The following PRIM2 variants were observed in gnomAD, a reference collection of about 807,000 sequenced individuals.
The protein encoded by PRIM2 is DNA primase subunit 2.
A neutral mutation model predicts 67.3 loss-of-function variants in PRIM2; 39 were observed. That is an observed-to-expected ratio of 0.58 (90% CI 0.45 to 0.76). The LOEUF (loss-of-function observed/expected upper bound fraction) is 0.76. Ranked by LOEUF, PRIM2 falls within the 30% of genes least tolerant of loss-of-function variation. The probability of loss-of-function intolerance (pLI) is 0.00; values close to 1 mark genes in which losing one functional copy is unlikely to be tolerated. For synonymous variants in PRIM2, 143 were observed against 198.7 expected (o/e 0.72, Z 2.36); for missense variants, 398 against 598.7 (o/e 0.66, Z 3.50).
chr6:57,417,155 C>T (rs567062061), intron 7 of PRIM2, among the ~76,000 whole-genome samples: 31 of 152,028 alleles, frequency 2.0e-4, no homozygotes, highest in East Asian at 1.5e-3. Flanking sequence ...TTAGCAGAGA[C>T]GGGGTTTCAC....
At chr6:57,496,900 C>T (rs1297670719) in intron 7 of PRIM2, among the ~76,000 whole-genome samples, 5 of 152,108 alleles carry the variant, frequency 3.3e-5, no homozygotes, top group Non-Finnish European at 5.9e-5. Flanking sequence ...GTGAAAAGAT[C>T]CAGAATTGTC....
chr6:57,418,542 G>A (rs1339255820), intron 7 of PRIM2, among the ~76,000 whole-genome samples: 2 of 151,004 alleles, frequency 1.3e-5, no homozygotes, highest in Non-Finnish European at 3.0e-5. Flanking sequence ...GACTACAGGC[G>A]CGTGCCACCA....
At chr6:57,557,538 A>G (rs1265550355) in intron 10 of PRIM2, among the ~76,000 whole-genome samples, 2 of 152,178 alleles carry the variant, frequency 1.3e-5, no homozygotes, top group African/African-American at 4.8e-5. Flanking sequence ...AATGCTGCAC[A>G]TTCTCATTTA....
chr6:57,364,246 T>C (rs1769282962), intron 5 of PRIM2, among the ~76,000 whole-genome samples: 1 of 152,188 alleles, frequency 6.6e-6, no homozygotes, highest in Non-Finnish European at 1.5e-5. Flanking sequence ...GTGATTGTCT[T>C]TCACCCATGT....
upstream of PRIM2, among the ~76,000 whole-genome samples, chr6:57,315,755 C>T (rs1449586376): frequency 1.3e-5 from 2 of 152,028 alleles, no homozygotes; most frequent in Non-Finnish European, 1.5e-5. Context: ...GTGCAAAATA[C>T]TTCTGTGAAT....
At chr6:57,227,206 C>T in the PRIM2 span, among the ~76,000 whole-genome samples, 192 of 152,250 alleles carry the variant, frequency 1.3e-3, no homozygotes, top group African/African-American at 4.2e-3. Context: ...TTGAGAACTT[C>T]GCTCATGGTA....
intron 3 of PRIM2, among the ~76,000 whole-genome samples, chr6:57,321,643 A>G (rs1767662174): frequency 6.6e-6 from 1 of 152,216 alleles, no homozygotes; most frequent in Non-Finnish European, 1.5e-5. Flanking sequence ...CTAGAGTTTC[A>G]ATAATAATGA....
chr6:57,538,022 T>C (rs1178203662), intron 10 of PRIM2, among the ~76,000 whole-genome samples: 1 of 151,950 alleles, frequency 6.6e-6, no homozygotes, highest in Non-Finnish European at 1.5e-5. Context: ...TTTTGTTTTT[T>C]TTTTTCGAGA....
chr6:57,256,360 G>A, the PRIM2 span, among the ~76,000 whole-genome samples: 10 of 151,734 alleles, frequency 6.6e-5, no homozygotes, highest in African/African-American at 2.4e-4. Flanking sequence ...TTTGCAATTG[G>A]GAATAGTTAT....
chr6:57,559,660 A>G (rs1775590411), intron 10 of PRIM2, among the ~76,000 whole-genome samples: 4 of 152,194 alleles, frequency 2.6e-5, no homozygotes, highest in Admixed American at 2.6e-4. Context: ...GCATACCTAG[A>G]AGATATTGCA....
chr6:57,604,159 A>G (rs1489628035), intron 11 of PRIM2, among the ~76,000 whole-genome samples: 1 of 152,094 alleles, frequency 6.6e-6, no homozygotes, highest in Non-Finnish European at 1.5e-5. Context: ...TTAAAAAGCA[A>G]AACAAAAATT....
chr6:57,482,589 C>CT (rs1773654964), intron 7 of PRIM2, among the ~76,000 whole-genome samples: 1 of 151,428 alleles, frequency 6.6e-6, no homozygotes, highest in Non-Finnish European at 1.5e-5. Flanking sequence ...GGGATTTTTT[C>CT]TTTTTTTAAA....
At chr6:57,391,912 T>A (rs541189269) in intron 7 of PRIM2, among the ~76,000 whole-genome samples, 1 of 152,158 alleles carries the variant, frequency 6.6e-6, no homozygotes, top group African/African-American at 2.4e-5. Context: ...CTGTGAAGAA[T>A]GTCATTGATA....
chr6:57,367,642 C>A (rs78540386), intron 5 of PRIM2, among the ~76,000 whole-genome samples: 4 of 152,196 alleles, frequency 2.6e-5, no homozygotes, highest in African/African-American at 4.8e-5. Flanking sequence ...TATATATGGG[C>A]TTTCTTAGTT....
Position 57,331,788 on chromosome 6 carries a change from T to C in PRIM2, c.459+5743T>C, listed in dbSNP as rs146065941. ...CCTGATTTTAACAATTAGAGTCTTC[T>C]CTTTTTTTTTGTCATCTAGGTAGAG... On this transcript the variant is annotated intron_variant, in intron 5 of 13. Coordinates refer to ENST00000615550, the MANE Select transcript of PRIM2 (RefSeq NM_000947.5). Among the ~76,000 whole-genome samples the C allele has an allele frequency of 9.8e-4, 148 of 151,764 alleles. 1 individual carries two copies. In the Middle Eastern group the frequency reaches 0.024, roughly 24 times the overall value.
At chr6:57,593,249 A>G (rs1451658144) in intron 10 of PRIM2, among the ~76,000 whole-genome samples, 17 of 151,622 alleles carry the variant, frequency 1.1e-4, no homozygotes, top group Non-Finnish European at 2.1e-4. Context: ...GAATGAATGG[A>G]GTGGGAGGGA....
chr6:57,413,928 C>T (rs6925436), intron 7 of PRIM2, among the ~76,000 whole-genome samples: 1 of 152,202 alleles, frequency 6.6e-6, no homozygotes, highest in East Asian at 1.9e-4. Context: ...GATGCTTTAA[C>T]TAGTCCCACA....
chr6:57,512,940 C>G (rs1774401517), intron 8 of PRIM2, among the ~76,000 whole-genome samples: 2 of 151,988 alleles, frequency 1.3e-5, no homozygotes. Flanking sequence ...AAAAATACTG[C>G]CTTTCCCTCT....
At chr6:57,639,928 C>CA (rs1298047562) in intron 13 of PRIM2, among the ~76,000 whole-genome samples, 1 of 151,484 alleles carries the variant, frequency 6.6e-6, no homozygotes, top group Admixed American at 6.6e-5. Flanking sequence ...AGAGACACAA[C>CA]AAAAAAAGAA....
Sources: allele counts gnomAD v4.1 joint callset (sites outside exome capture counted in the v4.1 genomes callset), GRCh38; gene constraint gnomAD v4.1.1; transcripts MANE v1.5; gene names NCBI Gene and HGNC (gene_info 2026-07-23, HGNC 2026-07-21).